GPC3: variants seen among roughly 807,000 people sequenced by gnomAD.
GPC3 encodes the protein glypican 3, also known as glypican-3.
Under a neutral mutation model 34.4 loss-of-function variants are expected in GPC3, and 3 were observed. That is an observed-to-expected ratio of 0.09 (90% confidence interval 0.04 to 0.23). The LOEUF (loss-of-function observed/expected upper bound fraction) is 0.23, where lower values mean the gene tolerates loss of function less well. Ranked by LOEUF, GPC3 falls within the 10% of genes least tolerant of loss-of-function variation. The pLI is 1.00. For synonymous variants in GPC3, 177 were observed against 174.0 expected (o/e 1.02, Z -0.13); for missense variants, 351 against 445.6 (o/e 0.79, Z 1.91).
At chrX:133,893,879 T>A (rs1344917736) in intron 2 of GPC3, among the ~76,000 whole-genome samples, 3 of 111,896 alleles carry the variant, frequency 2.7e-5, no homozygotes, top group Admixed American at 9.5e-5. Context: ...TGAGACAGGA[T>A]CTCACTCTGT....
chrX:133,976,600 T>C (rs1332618514), intron 1 of GPC3, among the ~76,000 whole-genome samples: 1 of 91,697 alleles, frequency 1.1e-5, no homozygotes, highest in African/African-American at 4.1e-5. Flanking sequence ...TGTCATCTCC[T>C]CTTCAATCGT....
intron 2 of GPC3, among the ~76,000 whole-genome samples, chrX:133,848,060 G>A (rs182441074): frequency 9.0e-6 from 1 of 111,533 alleles, no homozygotes; most frequent in East Asian, 2.8e-4. Context: ...TAGAGGAAAG[G>A]GAAATATTTT....
chrX:133,985,141 AC>A, intron 1 of GPC3, 133 bp downstream of exon 1: 1 of 667,041 alleles, frequency 1.5e-6, no homozygotes, highest in Non-Finnish European at 2.3e-6. Flanking sequence ...CCCCAGGCAC[AC>A]CGACCACTCC....
chrX:133,855,729 A>T (rs2075898019), intron 2 of GPC3, among the ~76,000 whole-genome samples: 1 of 110,100 alleles, frequency 9.1e-6, no homozygotes, highest in Non-Finnish European at 1.9e-5. Context: ...TTCATCTTAC[A>T]GGTTTGCTAC....
chrX:133,564,168 CCAAGAAG>C (rs2069563167), intron 7 of GPC3, among the ~76,000 whole-genome samples: 1 of 111,520 alleles, frequency 9.0e-6, no homozygotes, highest in Non-Finnish European at 1.9e-5. Context: ...TCTGTACCCA[CCAAGAAG>C]CATTGTTATG....
intron 1 of GPC3, among the ~76,000 whole-genome samples, chrX:133,977,482 G>T (rs751939955): frequency 9.0e-6 from 1 of 111,528 alleles, no homozygotes; most frequent in East Asian, 2.8e-4. Flanking sequence ...TATATACCAA[G>T]TGAAGGCTTT....
At chrX:133,619,672 C>G (rs1472109258) in intron 6 of GPC3, among the ~76,000 whole-genome samples, 1 of 110,697 alleles carries the variant, frequency 9.0e-6, no homozygotes, top group Non-Finnish European at 1.9e-5. Context: ...TGCCAGGGGT[C>G]AGGGGTAAGG....
intron 6 of GPC3, among the ~76,000 whole-genome samples, chrX:133,644,559 C>T (rs1362829793): frequency 9.0e-6 from 1 of 111,237 alleles, no homozygotes; most frequent in Non-Finnish European, 1.9e-5. Flanking sequence ...TTTTAAAAAG[C>T]ATTTGGGCAG....
In GPC3 at chrX:133,549,896, C is replaced by G. The variant is rs937947488; in HGVS notation, c.1574-13603G>C. Among the ~76,000 whole-genome samples, 5 of 101,218 alleles carry G rather than the reference C, an allele frequency of 4.9e-5. No individual in the cohort carries two copies. The Admixed American group carries it at 5.4e-4, about 11-fold the overall frequency. The allele number at this position is 101,218 out of a possible 115,157, so 87.9% of individuals were successfully genotyped here. On this transcript the variant is annotated intron_variant, in intron 7 of 7. Coordinates refer to ENST00000370818, the MANE Select transcript of GPC3 (RefSeq NM_004484.4). ...TCCTGTCTTCCCTCCCTCCTTCTCT[C>G]TTTCTATCCTTTTCTCTCTCTCTCC...
At chrX:133,884,611 C>T (rs1229370241) in intron 2 of GPC3, among the ~76,000 whole-genome samples, 1 of 111,382 alleles carries the variant, frequency 9.0e-6, no homozygotes, top group Non-Finnish European at 1.9e-5. Context: ...GTAACTTGCC[C>T]CAAATCACAA....
chrX:133,798,515 T>C (rs933237374), intron 2 of GPC3, among the ~76,000 whole-genome samples: 2 of 111,815 alleles, frequency 1.8e-5, no homozygotes, highest in Admixed American at 9.5e-5. Context: ...TTTAGGGAGG[T>C]TACCCCATCC....
At chrX:133,931,424 G>T in intron 2 of GPC3, among the ~76,000 whole-genome samples, 1 of 110,919 alleles carries the variant, frequency 9.0e-6, no homozygotes. Context: ...CCTCAGGATA[G>T]AGCTGAGGGC....
At chrX:133,889,899 A>G (rs1046299437) in intron 2 of GPC3, among the ~76,000 whole-genome samples, 1 of 98,724 alleles carries the variant, frequency 1.0e-5, no homozygotes, top group African/African-American at 3.8e-5. Context: ...ACAATGGCAC[A>G]ATCTCAACTC....
chrX:133,735,164 T>G (rs1216031800), intron 3 of GPC3, among the ~76,000 whole-genome samples: 1 of 111,427 alleles, frequency 9.0e-6, no homozygotes, highest in Non-Finnish European at 1.9e-5. Flanking sequence ...CAAAACAATC[T>G]TGAAAAGAAG....
rs142240756 is a variant in GPC3, at chrX:133,559,512, T to C, written c.1574-23219A>G. On this transcript the variant is annotated intron_variant, in intron 7 of 7. Coordinates refer to ENST00000370818, the MANE Select transcript of GPC3 (RefSeq NM_004484.4). The stretch of plus-strand genomic sequence containing the variant: ...TACCAAAACCCCCCGTAGGCCAAGG[T>C]AGAATGTGATGAGTGCCACAAGAGA... 4.0e-3 allele frequency among the ~76,000 whole-genome samples: 442 copies of C among 110,798 alleles called. 5 individuals carry two copies. Among genetic ancestry groups the C allele is most frequent in the East Asian group, 0.035 (122 of 3,493 alleles).
chrX:133,700,315 C>T (rs779665041), intron 3 of GPC3, among the ~76,000 whole-genome samples: 3 of 111,351 alleles, frequency 2.7e-5, no homozygotes, highest in Admixed American at 1.9e-4. Flanking sequence ...GGACTGTCAA[C>T]GCAGGCCTCA....
intron 2 of GPC3, among the ~76,000 whole-genome samples, chrX:133,897,197 T>C (rs182150322): frequency 0.02 from 1,982 of 98,230 alleles, 25 homozygotes; most frequent in Non-Finnish European, 0.026. Context: ...TGAGCTACCG[T>C]GCCCGGCCTT....
At chrX:133,865,957 T>C (rs1440497620) in intron 2 of GPC3, among the ~76,000 whole-genome samples, 1 of 112,239 alleles carries the variant, frequency 8.9e-6, no homozygotes, top group Non-Finnish European at 1.9e-5. Context: ...TTTCTAGTTT[T>C]AAGCAGTAGC....
chrX:133,915,691 C>A (rs1008162008), intron 2 of GPC3, among the ~76,000 whole-genome samples: 4 of 112,218 alleles, frequency 3.6e-5, no homozygotes, highest in African/African-American at 1.3e-4. Context: ...TCCTAGGAAA[C>A]CAGCATCTTG....
Sources: allele counts gnomAD v4.1 joint callset (sites outside exome capture counted in the v4.1 genomes callset), GRCh38; gene constraint gnomAD v4.1.1; transcripts MANE v1.5; gene names NCBI Gene and HGNC (gene_info 2026-07-23, HGNC 2026-07-21).